The following ACTG2 variants were observed in gnomAD, a reference collection of about 807,000 sequenced individuals.
The protein encoded by ACTG2 is actin gamma 2, smooth muscle, also known as actin, gamma-enteric smooth muscle.
Under a neutral mutation model 37.6 loss-of-function variants are expected in ACTG2, and 16 were observed. That is an observed-to-expected ratio of 0.43 (90% CI 0.29 to 0.65). ACTG2 has a LOEUF of 0.65. Among genes scored for constraint, ACTG2 ranks in the 30% least tolerant of loss-of-function variants. The pLI is 0.18. For synonymous variants in ACTG2, 181 were observed against 179.9 expected (o/e 1.01, Z -0.05); for missense variants, 238 against 490.9 (o/e 0.48, Z 4.87).
intron 3 of ACTG2, among the ~76,000 whole-genome samples, chr2:73,903,965 A>C (rs1287826224): frequency 6.7e-6 from 1 of 150,096 alleles, no homozygotes; most frequent in African/African-American, 2.4e-5. Context: ...AAAAACAAAA[A>C]AAAAACCACA....
In ACTG2 at chr2:73,916,581, T is replaced by C; in HGVS notation, c.806-3T>C. Reference sequence around the variant, plus strand: ...GTTGACCAGACACTGTGATCTCCACTAGGCATGGAGTCCGCTGGAATTCAT... The same window carrying C: ...GTTGACCAGACACTGTGATCTCCACCAGGCATGGAGTCCGCTGGAATTCAT... On this transcript the variant is annotated splice_polypyrimidine_tract_variant and splice_region_variant and intron_variant, in intron 7 of 8. Coordinates refer to ENST00000345517, the MANE Select transcript of ACTG2 (RefSeq NM_001615.4). The C allele has an allele frequency of 5.0e-6, 8 of 1,611,412 alleles. No individual in the cohort carries two copies. The highest frequency in any genetic ancestry group is 1.1e-5 in the South Asian group (1 of 90,674).
In ACTG2 at chr2:73,916,329, C is replaced by T. The variant is rs187951325; in HGVS notation, c.806-255C>T. Among the ~76,000 whole-genome samples, 7 of 149,674 alleles carry T rather than the reference C, an allele frequency of 4.7e-5. No homozygotes were observed. The East Asian group carries it at 9.9e-4, about 21-fold the overall frequency. ...ATCAGAGGTTGCAGTGAGCTGAGAT[C>T]GCGCCACTGCACTCCAGCCTGGTGA... On this transcript the variant is annotated intron_variant, in intron 7 of 8. Transcript: ENST00000345517.
chr2:73,919,851 G>A lies in ACTG2; in HGVS notation c.*276G>A, dbSNP rs1680341571. 3.6e-6 allele frequency: 1 copy of A among 281,498 alleles called. No homozygotes were observed. Among genetic ancestry groups the A allele is most frequent in the Admixed American group, 4.9e-5 (1 of 20,516 alleles). 17.4% of individuals were successfully genotyped at this position (281,498 alleles called of 1,614,324 possible). A position where few individuals can be genotyped will look rare whatever the true frequency, so the allele number is the denominator to read the frequency against. On this transcript the variant is annotated 3_prime_UTR_variant, in exon 9 of 9. Transcript: ENST00000345517. ...ACACAGATTCCAGATTAAAATTCAA[G>A]TATCTGACTGCAAAGCTAGTGCTCC...
At chr2:73,904,694 AAATCATTTCATTATAT>A (rs1453512942) in intron 3 of ACTG2, among the ~76,000 whole-genome samples, 12 of 147,946 alleles carry the variant, frequency 8.1e-5, no homozygotes, top group Middle Eastern at 3.3e-3. Context: ...TATAAATATA[AAATCATTTCATTATAT>A]AATCATTTCA....
intron 1 of ACTG2, among the ~76,000 whole-genome samples, chr2:73,893,355 C>T (rs1029747307): frequency 6.6e-6 from 1 of 152,260 alleles, no homozygotes; most frequent in Admixed American, 6.5e-5. Flanking sequence ...TGCAGATCCA[C>T]ACCCTGATGT....
At chr2:73,894,060 C>A (rs150940664) in intron 1 of ACTG2, among the ~76,000 whole-genome samples, 1 of 152,092 alleles carries the variant, frequency 6.6e-6, no homozygotes, top group Non-Finnish European at 1.5e-5. Flanking sequence ...CGAGAGAATG[C>A]GTATATACAG....
rs1165118275 is a variant in ACTG2 at position 73,898,802 on chromosome 2, C to CTTT, written c.-36-2458_-36-2456dup. 5.0e-3 allele frequency among the ~76,000 whole-genome samples: 468 copies of CTTT among 93,024 alleles called. 6 individuals carry two copies. The highest frequency in any genetic ancestry group is 0.017 in the African/African-American group (447 of 26,196). The allele number at this position is 93,024 out of a possible 152,430, so 61.0% of individuals were successfully genotyped here. A position where few individuals can be genotyped will look rare whatever the true frequency, so the allele number is the denominator to read the frequency against. ...TTCTTTTTTCTTTTCTTTTTTTTTT[C>CTTT]TTTTTTTTTTTTTTTTTTGAGATGG... On this transcript the variant is annotated intron_variant, in intron 1 of 8. Coordinates refer to ENST00000345517, the MANE Select transcript of ACTG2 (RefSeq NM_001615.4).
intron 1 of ACTG2, among the ~76,000 whole-genome samples, chr2:73,894,100 C>T (rs1421755241): frequency 1.3e-5 from 2 of 152,140 alleles, no homozygotes; most frequent in Non-Finnish European, 2.9e-5. Flanking sequence ...AGGGCCCGGC[C>T]CTGAGTTCTC....
chr2:73,900,469 T>G (rs2104804807), intron 1 of ACTG2, among the ~76,000 whole-genome samples: 1 of 152,356 alleles, frequency 6.6e-6, no homozygotes, highest in African/African-American at 2.4e-5. Flanking sequence ...AATTTCTTCA[T>G]TATTTTGCAT....
chr2:73,903,045 T>C (rs1377149406), intron 3 of ACTG2: 2 of 273,748 alleles, frequency 7.3e-6, no homozygotes, highest in South Asian at 9.4e-5. Context: ...GAGTCTCCAG[T>C]GAAAGTTTCT....
rs1558628722 is a variant in ACTG2, at chr2:73,914,688, GA to G, written c.625del (p.Ile209LeufsTer76). 6.3e-7 allele frequency: 1 copy of G among 1,583,032 alleles called. No individual in the cohort carries two copies. Among genetic ancestry groups the G allele is most frequent in the South Asian group, 1.2e-5 (1 of 86,252 alleles). The part of the protein sequence containing the change: ...GYSFVTTAER[E>X]IVRDIKEKLC... ...ATTTCTGCTCCTTCCAGCTGAGAGA[GA>G]AATTGTGCGAGACATCAAGGAGAAG... is the stretch of plus-strand genomic sequence containing the variant. On this transcript the variant is annotated frameshift_variant, in exon 7 of 9. Transcript: ENST00000345517. LOFTEE classifies it high-confidence loss of function.
At chr2:73,896,347 CAAAA>C (rs59825980) in intron 1 of ACTG2, among the ~76,000 whole-genome samples, 34 of 125,224 alleles carry the variant, frequency 2.7e-4, no homozygotes, top group Admixed American at 3.3e-4. Context: ...CCCAGTATCT[CAAAA>C]AAAAAAAAAA....
At chr2:73,900,181 C>T (rs778402472) in intron 1 of ACTG2, among the ~76,000 whole-genome samples, 6 of 152,176 alleles carry the variant, frequency 3.9e-5, no homozygotes, top group African/African-American at 7.2e-5. Context: ...ATGTGCCTGG[C>T]GCCTCTCTTT....
At chr2:73,905,937 A>C (rs1680006213) in intron 3 of ACTG2, among the ~76,000 whole-genome samples, 2 of 151,950 alleles carry the variant, frequency 1.3e-5, no homozygotes, top group South Asian at 4.1e-4. Flanking sequence ...CAAAAGTTTA[A>C]GTTTATCAAA....
Position 73,908,765 on chromosome 2 carries a change from C to T in ACTG2, c.348C>T (p.Asn116=), listed in dbSNP as rs757905857. 3 of 1,613,394 alleles carry T rather than the reference C, an allele frequency of 1.9e-6. No homozygotes were observed. Among genetic ancestry groups the T allele is most frequent in the East Asian group, 2.2e-5 (1 of 44,900 alleles). The part of the protein sequence containing the change: ...LTEAPLNPKA[N]REKMTQIMFE... ...AGGCTCCCCTAAATCCCAAGGCCAACAGGGAAAAGATGACCCAGGTAAGAA... is the reference window on the plus strand; with the variant it reads ...AGGCTCCCCTAAATCCCAAGGCCAATAGGGAAAAGATGACCCAGGTAAGAA... The change falls in exon 4 of 9, where the codon AAC becomes AAT. Residue 116 remains asparagine, a synonymous_variant. Transcript: ENST00000345517.
At chr2:73,914,289 G>A (rs998613990) in intron 6 of ACTG2, among the ~76,000 whole-genome samples, 5 of 152,156 alleles carry the variant, frequency 3.3e-5, no homozygotes, top group Non-Finnish European at 7.3e-5. Flanking sequence ...GCCAGGCGTG[G>A]TGGCTCACGC....
chr2:73,902,849 G>A (rs778604539), intron 3 of ACTG2: 9 of 1,375,882 alleles, frequency 6.5e-6, no homozygotes, highest in Non-Finnish European at 8.8e-6. Context: ...CCCCGTCTTG[G>A]CATTGGAGGA....
intron 8 of ACTG2, among the ~76,000 whole-genome samples, chr2:73,917,954 C>T (rs1680303962): frequency 6.6e-6 from 1 of 152,196 alleles, no homozygotes; most frequent in Admixed American, 6.5e-5. Context: ...AATTGCTCCC[C>T]CATCACCTAC....
At chr2:73,901,550 G>GTC in intron 2 of ACTG2, 113 bp downstream of exon 2, 1 of 94,488 alleles carries the variant, frequency 1.1e-5, no homozygotes, top group East Asian at 9.8e-5. Context: ...GTGTGTGTGT[G>GTC]TGTGTGTGTG....
Sources: allele counts gnomAD v4.1 joint callset (sites outside exome capture counted in the v4.1 genomes callset), GRCh38; gene constraint gnomAD v4.1.1; transcripts MANE v1.5; gene names NCBI Gene and HGNC (gene_info 2026-07-23, HGNC 2026-07-21).